The following PLXNB1 variants were observed in gnomAD, a reference collection of about 807,000 sequenced individuals.
PLXNB1 encodes plexin-B1.
In PLXNB1, 106 loss-of-function variants were observed where a neutral mutation model predicts 209.4. That is an observed-to-expected ratio of 0.51 (90% CI 0.43 to 0.59). The LOEUF is 0.59. Among genes scored for constraint, PLXNB1 ranks in the 20% least tolerant of loss-of-function variants. PLXNB1 has a pLI of 0.00. For synonymous variants in PLXNB1, 1,167 were observed against 1,183.2 expected (o/e 0.99, Z 0.28); for missense variants, 2,357 against 2,853.2 (o/e 0.83, Z 3.96).
chr3:48,416,068 C>T lies in PLXNB1; in HGVS notation c.3580G>A (p.Asp1194Asn). ...TGGTCTCCAACCACCACTCGGATGTCCTCCAGCCGCCCAGTCAGGAGCTTG... is the reference window on the plus strand; with the variant it reads ...TGGTCTCCAACCACCACTCGGATGTTCTCCAGCCGCCCAGTCAGGAGCTTG... ...GSKLLTGRLE[D>N]IRVVVGDQPC... The change falls in exon 18 of 38, where the codon GAC (aspartate) becomes AAC (asparagine). Residue 1194 changes from aspartate to asparagine, a missense_variant. Asp to Asn is a conservative substitution (Grantham distance 23). This residue lies in a region of PLXNB1 where 743 missense variants were observed against 896.2 expected (regional missense o/e 0.83). Transcript: ENST00000296440. This position sits in a 1 kb window ranked among gnomAD's most constrained non-coding sequence, Gnocchi z 4.1. The T allele has an allele frequency of 1.9e-6, 3 of 1,602,006 alleles. No individual in the cohort carries two copies. The highest frequency in any genetic ancestry group is 2.6e-6 in the Non-Finnish European group (3 of 1,174,614).
intron 27 of PLXNB1, 72 bp downstream of exon 27, chr3:48,412,166 G>A: frequency 6.5e-7 from 1 of 1,535,536 alleles, no homozygotes; most frequent in African/African-American, 1.4e-5. Context: ...GCTGCATGGT[G>A]GCTGAGGGCT....
rs1575394713 is a variant in PLXNB1 at position 48,416,229 on chromosome 3, TGA to T, written c.3481-64_3481-63del. 6.4e-7 allele frequency: 1 copy of T among 1,567,314 alleles called. No individual in the cohort carries two copies. The highest frequency in any genetic ancestry group is 8.7e-7 in the Non-Finnish European group (1 of 1,150,208). ...CAGACACATGGAGGCAGGGACAGCC[TGA>T]GAGACAGGCTGGCCCAGGACTGGGA... is the stretch of plus-strand genomic sequence containing the variant. On this transcript the variant is annotated intron_variant, in intron 17 of 37. Transcript: ENST00000296440. The surrounding 1 kb of genome is among the most constrained non-coding windows in gnomAD (Gnocchi z 4.1).
rs770239124 is a variant in PLXNB1 at position 48,424,546 on chromosome 3, G to T, written c.66C>A (p.Pro22=). Residue 22 remains proline, a synonymous_variant, in exon 3 of 38, where the codon CCC becomes CCA. Transcript: ENST00000296440. ...LWAGWVLTLQ[P]LPPTAFTPNG... is the part of the protein sequence containing the mutation. ...TGGGAGTGAATGCAGTTGGTGGAAGGGGCTGGAGGGTGAGGACCCACCCGG... is the reference window on the plus strand; with the variant it reads ...TGGGAGTGAATGCAGTTGGTGGAAGTGGCTGGAGGGTGAGGACCCACCCGG... 2 of 1,574,446 alleles carry T rather than the reference G, an allele frequency of 1.3e-6. No homozygotes were observed. Among genetic ancestry groups the T allele is most frequent in the East Asian group, 2.3e-5 (1 of 42,696 alleles).
At position 48,411,448 on chromosome 3, in the gene PLXNB1, T is replaced by A. The variant is rs1317953393; in HGVS notation, c.5248-412A>T. Among the ~76,000 whole-genome samples the A allele has an allele frequency of 6.6e-6, 1 of 152,174 alleles. No homozygotes were observed. The highest frequency in any genetic ancestry group is 1.5e-5 in the Non-Finnish European group (1 of 68,016). On this transcript the variant is annotated intron_variant, in intron 28 of 37. Coordinates refer to ENST00000296440, the MANE Select transcript of PLXNB1 (RefSeq NM_001130082.3). The surrounding 1 kb of genome is among the most constrained non-coding windows in gnomAD (Gnocchi z 4.0). ...GAATGGGGGTTTCCCACAGGAACCCTTGTGCGTAACTAAGGGGAAAGCAAA... is the reference window on the plus strand; with the variant it reads ...GAATGGGGGTTTCCCACAGGAACCCATGTGCGTAACTAAGGGGAAAGCAAA...
intron 21 of PLXNB1, among the ~76,000 whole-genome samples, chr3:48,414,528 T>C (rs1307057960): frequency 6.6e-6 from 1 of 152,178 alleles, no homozygotes; most frequent in African/African-American, 2.4e-5. Flanking sequence ...ACCCAGCTAC[T>C]GCACAGGCCG....
Position 48,417,788 on chromosome 3 carries a change from GC to G in PLXNB1, c.3374+122del. The G allele has an allele frequency of 9.1e-7, 1 of 1,099,582 alleles. No individual in the cohort carries two copies. Among genetic ancestry groups the G allele is most frequent in the Non-Finnish European group, 1.3e-6 (1 of 763,134 alleles). The allele number at this position is 1,099,582 out of a possible 1,614,324, so 68.1% of individuals were successfully genotyped here. A position where few individuals can be genotyped will look rare whatever the true frequency, so the allele number is the denominator to read the frequency against. On this transcript the variant is annotated intron_variant, in intron 16 of 37. Transcript: ENST00000296440. This position sits in a 1 kb window ranked among gnomAD's most constrained non-coding sequence, Gnocchi z 4.4. ...GCAACGCTGGCACTCGGGCATTGTG[GC>G]CAGGATCAAGGAACAGGGAGAGAGG...
rs1201118524 is a variant in PLXNB1 at position 48,415,808 on chromosome 3, T to C, written c.3618-49A>G. The C allele has an allele frequency of 6.6e-7, 1 of 1,507,666 alleles. No individual in the cohort carries two copies. The highest frequency in any genetic ancestry group is 2.5e-5 in the East Asian group (1 of 40,342). The allele number at this position is 1,507,666 out of a possible 1,614,324, so 93.4% of individuals were successfully genotyped here. On this transcript the variant is annotated intron_variant, in intron 18 of 37. Transcript: ENST00000296440. The surrounding 1 kb of genome is among the most constrained non-coding windows in gnomAD (Gnocchi z 5.0). Reference sequence around the variant, plus strand: ...TGCAGGGGCGCAGGCAGGGAAAACTTGGACCACTCAGGCCCCAACTGGCTT... The same window carrying C: ...TGCAGGGGCGCAGGCAGGGAAAACTCGGACCACTCAGGCCCCAACTGGCTT...
At chr3:48,426,440 C>T (rs1001168705) in intron 1 of PLXNB1, among the ~76,000 whole-genome samples, 8 of 152,238 alleles carry the variant, frequency 5.3e-5, no homozygotes, top group African/African-American at 2.4e-5. Context: ...CCACGTTGCC[C>T]AGCCCCTCCC....
rs531206772 is a variant in PLXNB1 at position 48,419,366 on chromosome 3, C to T, written c.2710G>A (p.Glu904Lys). 2 of 1,555,974 alleles carry T rather than the reference C, an allele frequency of 1.3e-6. No individual in the cohort carries two copies. The highest frequency in any genetic ancestry group is 1.7e-6 in the Non-Finnish European group (2 of 1,148,236). The change falls in exon 12 of 38, where the codon GAA becomes AAA. Residue 904 changes from glutamate to lysine, a missense_variant and splice_region_variant. Coordinates refer to ENST00000296440, the MANE Select transcript of PLXNB1 (RefSeq NM_001130082.3). This position sits in a 1 kb window ranked among gnomAD's most constrained non-coding sequence, Gnocchi z 5.7. Reference protein sequence around the residue: ...QYDTPGLWELEEATLGASSCP... With the variant: ...QYDTPGLWELKEATLGASSCP... ...GAGCTTGCCCCCAAGGTCGCCTCTT[C>T]CTGCAGGCACCAAGGGCAAGGCAGT...
In PLXNB1 at chr3:48,422,320, C is replaced by T. The variant is rs1400217125; in HGVS notation, c.1419+11G>A. On this transcript the variant is annotated intron_variant, in intron 5 of 37. Coordinates refer to ENST00000296440, the MANE Select transcript of PLXNB1 (RefSeq NM_001130082.3). Reference sequence around the variant, plus strand: ...CCAGCAGCCATGCCCTGGCTTGTGCCTGGCACTCACTGTGCTCTGGGTCAT... The same window carrying T: ...CCAGCAGCCATGCCCTGGCTTGTGCTTGGCACTCACTGTGCTCTGGGTCAT... 4 of 1,610,690 alleles carry T rather than the reference C, an allele frequency of 2.5e-6. No individual in the cohort carries two copies. Among genetic ancestry groups the T allele is most frequent in the African/African-American group, 1.3e-5 (1 of 74,876 alleles).
At chr3:48,425,993 A>G (rs1251942818) in intron 1 of PLXNB1, among the ~76,000 whole-genome samples, 1 of 152,134 alleles carries the variant, frequency 6.6e-6, no homozygotes, top group Non-Finnish European at 1.5e-5. Context: ...CTCACCCGAG[A>G]CATTCAGACC....
rs772717018 is a variant in PLXNB1 at position 48,422,769 on chromosome 3, T to C, written c.1286A>G (p.His429Arg). ...CAGTACTTCCTGTGGGCTCACCCTG[T>C]GCAGCTGCCCTTGACTATCACCCAG... ...AFLGDSQGQL[H>R]RVYLGPGSDG... Residue 429 changes from histidine to arginine, a missense_variant, in exon 4 of 38, where the codon CAC (histidine) becomes CGC (arginine). His to Arg is a conservative substitution (Grantham distance 29, BLOSUM62 0). This residue lies in a region of PLXNB1 where 404 missense variants were observed against 443.6 expected (regional missense o/e 0.91). Transcript: ENST00000296440. The C allele has an allele frequency of 6.2e-7, 1 of 1,613,682 alleles. No individual in the cohort carries two copies.
chr3:48,428,142 C>T (rs2038991826), intron 1 of PLXNB1, among the ~76,000 whole-genome samples: 1 of 152,146 alleles, frequency 6.6e-6, no homozygotes, highest in South Asian at 2.1e-4. Flanking sequence ...CATTTCACAC[C>T]CAAGAAAACC....
Position 48,422,469 on chromosome 3 carries a change from G to A in PLXNB1, c.1291-10C>T, listed in dbSNP as rs761149668. 2 of 1,573,038 alleles carry A rather than the reference G, an allele frequency of 1.3e-6. No homozygotes were observed. The highest frequency in any genetic ancestry group is 2.3e-5 in the South Asian group (2 of 86,180). ...CTGGGCCCAAGTAGACCTGGGATCA[G>A]AGACCACAGGGTCTGGGACCCAAGT... On this transcript the variant is annotated splice_polypyrimidine_tract_variant and intron_variant, in intron 4 of 37. Transcript: ENST00000296440.
chr3:48,407,224 CCT>C (rs1253898836), intron 34 of PLXNB1, 133 bp from the exon 35 acceptor site: 12 of 798,510 alleles, frequency 1.5e-5, no homozygotes, highest in South Asian at 1.2e-4. Flanking sequence ...CCAGGAAGCC[CCT>C]GAGTCCCGGA....
rs754847919 is a variant in PLXNB1, at chr3:48,409,057, G to A, written c.6087+272C>T. 6.6e-6 allele frequency among the ~76,000 whole-genome samples: 1 copy of A among 152,172 alleles called. No individual in the cohort carries two copies. The highest frequency in any genetic ancestry group is 1.5e-5 in the Non-Finnish European group (1 of 68,022). ...GAGTGAGTCCTGACCAACTGGCCCTGGCCTACTGCCACGCCTGGCCAGCAT... is the reference window on the plus strand; with the variant it reads ...GAGTGAGTCCTGACCAACTGGCCCTAGCCTACTGCCACGCCTGGCCAGCAT... On this transcript the variant is annotated intron_variant, in intron 34 of 37. Transcript: ENST00000296440. This position sits in a 1 kb window ranked among gnomAD's most constrained non-coding sequence, Gnocchi z 5.8.
chr3:48,418,343 C>T lies in PLXNB1; in HGVS notation c.3070G>A (p.Val1024Met), dbSNP rs200090660. The T allele has an allele frequency of 3.4e-5, 55 of 1,613,576 alleles. No homozygotes were observed. Among genetic ancestry groups the T allele is most frequent in the African/African-American group, 8.0e-5 (6 of 74,938 alleles). Residue 1024 changes from valine to methionine, a missense_variant, in exon 15 of 38, where the codon GTG becomes ATG. Val to Met is a conservative substitution (Grantham distance 21). Transcript: ENST00000296440. The surrounding 1 kb of genome is among the most constrained non-coding windows in gnomAD (Gnocchi z 6.6). ...CAGCGGCTGCAGTCTCCATGTCCCA[C>T]GGAACAGTCATACAGTACCACTGGG... ...GLHVVLYDCS[V>M]GHGDCSRCQT...
rs774740389 is a variant in PLXNB1, at chr3:48,423,584, C to T, written c.1028G>A (p.Arg343Gln). 37 of 1,614,076 alleles carry T rather than the reference C, an allele frequency of 2.3e-5. 1 individual carries two copies. The Middle Eastern group carries it at 8.2e-4, about 36-fold the overall frequency. ...GGTCCCATCCTCAGCACGACCCTCC[C>T]GGGTGTAGCAGGCATCTCGCGTGCG... is the stretch of plus-strand genomic sequence containing the variant. ...ANRTRDACYT[R>Q]EGRAEDGTEV... Residue 343 changes from arginine (R) to glutamine (Q), a missense_variant, in exon 3 of 38, where the codon CGG becomes CAG. By Grantham distance (43) the Arg-to-Gln change is conservative. Transcript: ENST00000296440.
chr3:48,408,214 T>C (rs540334965), intron 34 of PLXNB1, among the ~76,000 whole-genome samples: 2 of 152,282 alleles, frequency 1.3e-5, no homozygotes, highest in Admixed American at 6.5e-5. Context: ...TTTTGCCATG[T>C]TGCCCAGGCT....
Sources: allele counts gnomAD v4.1 joint callset (sites outside exome capture counted in the v4.1 genomes callset), GRCh38; gene constraint gnomAD v4.1.1; regional missense constraint gnomAD v4.1.1; non-coding constraint Gnocchi (gnomAD v3.1); transcripts MANE v1.5; gene names NCBI Gene and HGNC (gene_info 2026-07-23, HGNC 2026-07-21).